SHISA9: variants seen among roughly 807,000 people sequenced by gnomAD.
SHISA9 encodes shisa family member 9.
SHISA9 carries 13 observed loss-of-function variants against 38.0 expected under a neutral mutation model. That is an observed-to-expected ratio of 0.34 (90% CI 0.22 to 0.54). The LOEUF (loss-of-function observed/expected upper bound fraction) is 0.54. Among genes scored for constraint, SHISA9 ranks in the 20% least tolerant of loss-of-function variants. The pLI, the probability that SHISA9 is intolerant of heterozygous loss-of-function variation, is 0.91. For synonymous variants in SHISA9, 275 were observed against 242.0 expected, an observed-to-expected ratio of 1.14 and a Z score of -1.27; for missense variants, 538 against 575.8, an observed-to-expected ratio of 0.93 and a Z score of 0.67.
intron 4 of SHISA9, among the ~76,000 whole-genome samples, chr16:13,228,702 A>T (rs2819642): frequency 0.17 from 26,259 of 151,762 alleles, 2,601 homozygotes; most frequent in Admixed American, 0.3. Context: ...TTGCTCATAT[A>T]TTTTTTTTAA....
intron 2 of SHISA9, among the ~76,000 whole-genome samples, chr16:12,985,241 GTAAATAAA>G (rs3075032): frequency 0.044 from 6,593 of 149,032 alleles, 247 homozygotes; most frequent in African/African-American, 0.1. Context: ...AAATAAATAA[GTAAATAAA>G]TAAATAAATA....
At chr16:12,985,921 C>T (rs760404297) in intron 2 of SHISA9, among the ~76,000 whole-genome samples, 1 of 152,152 alleles carries the variant, frequency 6.6e-6, no homozygotes, top group African/African-American at 2.4e-5. Flanking sequence ...CTCTTGTGTG[C>T]ACAAATTTGA....
chr16:13,398,686 A>C, the SHISA9 span, among the ~76,000 whole-genome samples: 1 of 151,670 alleles, frequency 6.6e-6, no homozygotes, highest in African/African-American at 2.4e-5. Context: ...AATTTTTTGT[A>C]TTTTTAGTAG....
intron 4 of SHISA9, among the ~76,000 whole-genome samples, chr16:13,230,255 G>A (rs2051318846): frequency 6.6e-6 from 1 of 152,196 alleles, no homozygotes; most frequent in South Asian, 2.1e-4. Context: ...GTGGGTACCT[G>A]TTTGATGAAT....
Position 13,235,034 on chromosome 16 carries a change from C to G in SHISA9, c.900C>G (p.Asp300Glu). 1 of 1,542,124 alleles carries G rather than the reference C, an allele frequency of 6.5e-7. No homozygotes were observed. The highest frequency in any genetic ancestry group is 1.2e-5 in the South Asian group (1 of 83,430). Residue 300 changes from aspartate (D) to glutamate (E), a missense_variant, in exon 5 of 5, where the codon GAC becomes GAG. Coordinates refer to ENST00000558583, the MANE Select transcript of SHISA9 (RefSeq NM_001145204.3). ...AVSTLKSPKA[D>E]KVNDDFYTKR... ...TCCACCCGTTCCGATGTGTAGCTGA[C>G]AAGGTCAATGACGACTTCTACACCA...
At chr16:12,979,037 C>G (rs2072205456) in intron 2 of SHISA9, among the ~76,000 whole-genome samples, 2 of 152,304 alleles carry the variant, frequency 1.3e-5, no homozygotes, top group Non-Finnish European at 1.5e-5. Flanking sequence ...CTTGACTCAT[C>G]TCTCCTCCCA....
At chr16:13,401,256 C>T in the SHISA9 span, among the ~76,000 whole-genome samples, 7 of 152,184 alleles carry the variant, frequency 4.6e-5, no homozygotes, top group Admixed American at 3.3e-4. Flanking sequence ...CTTATTTTTA[C>T]AGATGAGAAA....
intron 1 of SHISA9, among the ~76,000 whole-genome samples, chr16:12,914,671 G>A (rs12325155): frequency 0.051 from 7,757 of 152,176 alleles, 676 homozygotes; most frequent in African/African-American, 0.18. Context: ...TCTCACAGCC[G>A]AGATGTCTCC....
intron 2 of SHISA9, among the ~76,000 whole-genome samples, chr16:12,993,294 G>A (rs568214688): frequency 6.6e-6 from 1 of 152,186 alleles, no homozygotes; most frequent in African/African-American, 2.4e-5. Flanking sequence ...TTCAGATCCT[G>A]AGAAATTACC....
the SHISA9 span, among the ~76,000 whole-genome samples, chr16:13,307,156 T>A: frequency 6.6e-6 from 1 of 152,214 alleles, no homozygotes; most frequent in Non-Finnish European, 1.5e-5. Flanking sequence ...AAGCACAGTT[T>A]CAGTATCTAT....
rs1236103319 is a variant in SHISA9, at chr16:12,903,742, G to T, written c.563+1115G>T. On this transcript the variant is annotated intron_variant, in intron 1 of 4. Coordinates refer to ENST00000558583, the MANE Select transcript of SHISA9 (RefSeq NM_001145204.3). Reference sequence around the variant, plus strand: ...CTTTCAGAGTCTGGGCAACGAAGTCGCTGTATTTTTCTCTACCCTCTCCCC... The same window carrying T: ...CTTTCAGAGTCTGGGCAACGAAGTCTCTGTATTTTTCTCTACCCTCTCCCC... Among the ~76,000 whole-genome samples the T allele has an allele frequency of 5.3e-5, 8 of 152,026 alleles. No homozygotes were observed. In the East Asian group the frequency reaches 1.6e-3, roughly 30 times the overall value.
intron 2 of SHISA9, among the ~76,000 whole-genome samples, chr16:13,096,268 G>A (rs867422729): frequency 6.6e-6 from 1 of 152,198 alleles, no homozygotes. Context: ...TATGTACTGA[G>A]CATGTACTTT....
chr16:13,368,988 A>G, the SHISA9 span, among the ~76,000 whole-genome samples: 1 of 152,160 alleles, frequency 6.6e-6, no homozygotes, highest in East Asian at 1.9e-4. Flanking sequence ...GAAATATTTG[A>G]AATGTGATGT....
At chr16:13,561,219 A>T in the SHISA9 span, among the ~76,000 whole-genome samples, 1 of 152,120 alleles carries the variant, frequency 6.6e-6, no homozygotes, top group African/African-American at 2.4e-5. Context: ...TGTGCACTCA[A>T]TGAACCCTTT....
chr16:13,262,418 G>A, the SHISA9 span, among the ~76,000 whole-genome samples: 5 of 152,100 alleles, frequency 3.3e-5, no homozygotes, highest in Non-Finnish European at 1.5e-5. Flanking sequence ...AATTGCACTA[G>A]TAGCCTTTTA....
intron 2 of SHISA9, among the ~76,000 whole-genome samples, chr16:13,019,191 G>A (rs2072792601): frequency 6.6e-6 from 1 of 152,014 alleles, no homozygotes; most frequent in Non-Finnish European, 1.5e-5. Flanking sequence ...GTAGAGATGG[G>A]GTTTCACCAT....
At chr16:12,917,296 C>G (rs144796411) in intron 2 of SHISA9, among the ~76,000 whole-genome samples, 1,675 of 152,294 alleles carry the variant, frequency 0.011, 10 homozygotes, top group Middle Eastern at 0.048. Context: ...AGAATTATGT[C>G]TATTCTTTGT....
chr16:13,221,059 C>T (rs573357392), intron 4 of SHISA9, among the ~76,000 whole-genome samples: 6 of 151,900 alleles, frequency 3.9e-5, no homozygotes, highest in Admixed American at 6.6e-5. Flanking sequence ...ACAGTACCAC[C>T]GCCTGTTGGG....
chr16:13,434,419 G>GTTTTTTTTTTTTT, the SHISA9 span, among the ~76,000 whole-genome samples: 139 of 64,504 alleles, frequency 2.2e-3, 9 homozygotes, highest in African/African-American at 6.7e-3. Context: ...GACAAGCTAT[G>GTTTTTTTTTTTTT]TTTTTTTTTT....
Sources: gnomAD v4.1 joint callset for allele counts (sites outside exome capture counted in the v4.1 genomes callset) on GRCh38, gnomAD v4.1.1 for gene constraint, MANE v1.5 for transcripts, NCBI Gene and HGNC (gene_info 2026-07-23, HGNC 2026-07-21) for gene names.